Variants in PMP2 observed in about 807,000 individuals in gnomAD.
The protein encoded by PMP2 is myelin P2 protein.
A neutral mutation model predicts 15.9 loss-of-function variants in PMP2; 11 were observed. The observed-to-expected ratio is 0.69, with a 90% CI of 0.44 to 1.14. PMP2 has a LOEUF of 1.14. Ranked by LOEUF, PMP2 falls within the 50% of genes most tolerant of loss-of-function variation. The pLI is 0.00. For synonymous variants in PMP2, 55 were observed against 54.1 expected (o/e 1.02, Z -0.07); for missense variants, 151 against 154.0 (o/e 0.98, Z 0.10).
At chr8:81,445,982 T>A (rs1052004758) in intron 1 of PMP2, among the ~76,000 whole-genome samples, 1 of 151,578 alleles carries the variant, frequency 6.6e-6, no homozygotes, top group African/African-American at 2.4e-5. Flanking sequence ...GACTATAAAA[T>A]ATATGGAAAA....
At chr8:81,445,424 C>T (rs924467488) in intron 1 of PMP2, among the ~76,000 whole-genome samples, 12 of 152,004 alleles carry the variant, frequency 7.9e-5, no homozygotes, top group African/African-American at 1.9e-4. Context: ...GGGGTTTCAC[C>T]GTGTTAGCCA....
rs1275086801 is a variant in PMP2, at chr8:81,442,883, A to T, written c.*515T>A. ...TAACTGTCTATAAATTTAACTGTCT[A>T]TAAATTATCCATTAATTTTAAAATG... On this transcript the variant is annotated 3_prime_UTR_variant, in exon 4 of 4. Transcript: ENST00000256103. The T allele has an allele frequency of 6.6e-6, 1 of 152,156 alleles. No individual in the cohort carries two copies. The highest frequency in any genetic ancestry group is 1.9e-4 in the East Asian group (1 of 5,200). 9.4% of individuals were successfully genotyped at this position (152,156 alleles called of 1,614,324 possible).
intron 3 of PMP2, 40 bp downstream of exon 3, chr8:81,444,460 A>G: frequency 3.4e-6 from 4 of 1,175,922 alleles, no homozygotes; most frequent in African/African-American, 1.5e-5. Flanking sequence ...AATTATTTAT[A>G]TAGCATTATT....
intron 1 of PMP2, among the ~76,000 whole-genome samples, chr8:81,445,885 G>A (rs1210602695): frequency 6.6e-6 from 1 of 151,700 alleles, no homozygotes; most frequent in East Asian, 1.9e-4. Flanking sequence ...AATGATCATA[G>A]AGAAATAAAA....
chr8:81,446,223 G>A (rs2129712981), intron 1 of PMP2, among the ~76,000 whole-genome samples: 1 of 152,154 alleles, frequency 6.6e-6, no homozygotes, highest in East Asian at 1.9e-4. Context: ...CATAATCTCT[G>A]GGTCAGAGCC....
At chr8:81,445,348 C>T (rs962218621) in intron 1 of PMP2, among the ~76,000 whole-genome samples, 9 of 152,124 alleles carry the variant, frequency 5.9e-5, no homozygotes, top group Admixed American at 2.6e-4. Flanking sequence ...CCTCAGCCTC[C>T]CGAGTAGCTG....
At chr8:81,446,700 C>T (rs779852420) in intron 1 of PMP2, among the ~76,000 whole-genome samples, 39 of 152,172 alleles carry the variant, frequency 2.6e-4, no homozygotes, top group Admixed American at 6.5e-4. Context: ...ACTCCAGAAA[C>T]GTCTGATGTT....
At chr8:81,445,134 T>C in intron 1 of PMP2, 145 bp from the exon 2 acceptor site, 2 of 572,588 alleles carry the variant, frequency 3.5e-6, no homozygotes, top group Non-Finnish European at 6.1e-6. Context: ...CCTCCCATGT[T>C]TCACTCCTAA....
chr8:81,447,209 G>A, intron 1 of PMP2, 105 bp downstream of exon 1: 3 of 784,424 alleles, frequency 3.8e-6, no homozygotes, highest in South Asian at 1.4e-5. Flanking sequence ...TTGTACTGCA[G>A]CCTTGCAAAA....
Position 81,444,941 on chromosome 8 carries a change from A to G in PMP2, c.122T>C (p.Val41Ala). Residue 41 changes from valine (V) to alanine (A), a missense_variant, in exon 2 of 4, where the codon GTG (valine) becomes GCG (alanine). Val to Ala is a moderately conservative substitution (Grantham distance 64). Transcript: ENST00000256103. ...AATATCTCCTTTCTTGCTGATGATC[A>G]CAGTGGGTTTGGCCAAATTTCCCAG... ...RKLGNLAKPTVIISKKGDIIT... is the reference protein window; with the variant it reads ...RKLGNLAKPTAIISKKGDIIT... 1.2e-6 allele frequency: 2 copies of G among 1,613,960 alleles called. No homozygotes were observed. The highest frequency in any genetic ancestry group is 1.7e-6 in the Non-Finnish European group (2 of 1,179,912).
At chr8:81,443,575 T>C in intron 3 of PMP2, 127 bp from the exon 4 acceptor site, 1 of 560,090 alleles carries the variant, frequency 1.8e-6, no homozygotes, top group South Asian at 2.8e-5. Flanking sequence ...TATCAGTATG[T>C]CAGTCTCCAG....
At chr8:81,444,461 T>G (rs760317695) in intron 3 of PMP2, 39 bp downstream of exon 3, 2 of 1,183,864 alleles carry the variant, frequency 1.7e-6, no homozygotes, top group Non-Finnish European at 2.5e-6. Context: ...ATTATTTATA[T>G]AGCATTATTT....
rs2082850509 is a variant in PMP2 at position 81,441,820 on chromosome 8, G to A, written c.*1578C>T. On this transcript the variant is annotated 3_prime_UTR_variant, in exon 4 of 4. Transcript: ENST00000256103. The stretch of plus-strand genomic sequence containing the variant: ...ATTTTTTTTTTTAACATTACTTTCT[G>A]GCATAACAAGATATTTCAAGCTCAT... 6.6e-6 allele frequency: 1 copy of A among 150,408 alleles called. No individual in the cohort carries two copies. The highest frequency in any genetic ancestry group is 2.5e-5 in the African/African-American group (1 of 40,814). The allele number at this position is 150,408 out of a possible 1,614,324, so 9.3% of individuals were successfully genotyped here.
Position 81,442,193 on chromosome 8 carries a change from A to G in PMP2, c.*1205T>C, listed in dbSNP as rs866904124. The G allele has an allele frequency of 6.6e-6, 1 of 152,108 alleles. No individual in the cohort carries two copies. 9.4% of individuals were successfully genotyped at this position (152,108 alleles called of 1,614,324 possible). On this transcript the variant is annotated 3_prime_UTR_variant, in exon 4 of 4. Coordinates refer to ENST00000256103, the MANE Select transcript of PMP2 (RefSeq NM_002677.5). The stretch of plus-strand genomic sequence containing the variant: ...GTTCTTTCTTGCCTTCCCTCATTTC[A>G]TATTTGTATATTTGTTTTTCCATAG...
rs745538413 is a variant in PMP2, at chr8:81,447,364, G to A, written c.23C>T (p.Thr8Ile). The change falls in exon 1 of 4, where the codon ACC becomes ATC. Residue 8 changes from threonine to isoleucine, a missense_variant. Thr to Ile is a moderately conservative substitution (Grantham distance 89). Coordinates refer to ENST00000256103, the MANE Select transcript of PMP2 (RefSeq NM_002677.5). MSNKFLG[T>I]WKLVSSENFD... Reference sequence around the variant, plus strand: ...GTTCTCACTAGAGACAAGTTTCCAGGTGCCCAGGAATTTGTTGCTCATCGT... The same window carrying A: ...GTTCTCACTAGAGACAAGTTTCCAGATGCCCAGGAATTTGTTGCTCATCGT... 4.3e-5 allele frequency: 70 copies of A among 1,613,776 alleles called. No homozygotes were observed. The highest frequency in any genetic ancestry group is 5.8e-5 in the Non-Finnish European group (68 of 1,179,846).
intron 2 of PMP2, 102 bp from the exon 3 acceptor site, chr8:81,444,703 A>T: frequency 1.5e-6 from 2 of 1,327,880 alleles, no homozygotes; most frequent in Admixed American, 1.9e-5. Context: ...TAGATGTCTC[A>T]GGAGGTACAC....
intron 1 of PMP2, among the ~76,000 whole-genome samples, chr8:81,445,519 G>T (rs750259321): frequency 7.2e-5 from 11 of 152,090 alleles, no homozygotes; most frequent in East Asian, 1.9e-4. Context: ...CACCGCGCCC[G>T]GCCAATGTCT....
chr8:81,445,022 A>G lies in PMP2; in HGVS notation c.74-33T>C, dbSNP rs768929398. 1.9e-6 allele frequency: 3 copies of G among 1,590,992 alleles called. No homozygotes were observed. In the African/African-American group the frequency reaches 4.0e-5, roughly 21 times the overall value. Reference sequence around the variant, plus strand: ...TTAAGATAGTGTTAGAATTATGTTGACCAAGAGAGCATAGCCAAAGAGACT... The same window carrying G: ...TTAAGATAGTGTTAGAATTATGTTGGCCAAGAGAGCATAGCCAAAGAGACT... On this transcript the variant is annotated intron_variant, in intron 1 of 3. Transcript: ENST00000256103.
intron 1 of PMP2, 59 bp from the exon 2 acceptor site, chr8:81,445,048 G>T: frequency 6.9e-7 from 1 of 1,455,244 alleles, no homozygotes; most frequent in Non-Finnish European, 9.5e-7. Flanking sequence ...CAAAGAGACT[G>T]TGGTGGCCAC....
Sources: allele counts gnomAD v4.1 joint callset (sites outside exome capture counted in the v4.1 genomes callset), GRCh38; gene constraint gnomAD v4.1.1; transcripts MANE v1.5; gene names NCBI Gene and HGNC (gene_info 2026-07-23, HGNC 2026-07-21).